MAGI2: variants seen among roughly 807,000 people sequenced by gnomAD.
MAGI2 encodes membrane associated guanylate kinase, WW and PDZ domain containing 2.
Under a neutral mutation model 133.3 loss-of-function variants are expected in MAGI2, and 35 were observed. The ratio of observed to expected loss-of-function variants is 0.26; its 90% CI spans 0.20 to 0.35. The LOEUF (loss-of-function observed/expected upper bound fraction) is 0.35. Among genes scored for constraint, MAGI2 ranks in the 10% least tolerant of loss-of-function variants. MAGI2 has a pLI of 1.00. For missense variants in MAGI2, 1,636 were observed against 1,863.4 expected, an observed-to-expected ratio of 0.88 and a Z score of 2.25; for synonymous variants, 729 against 710.6, an observed-to-expected ratio of 1.03 and a Z score of -0.41.
At chr7:78,462,117 T>A (rs1790124933) in intron 6 of MAGI2, among the ~76,000 whole-genome samples, 1 of 152,082 alleles carries the variant, frequency 6.6e-6, no homozygotes, top group Non-Finnish European at 1.5e-5. Flanking sequence ...TAAAACTCAA[T>A]TTTTGAAAAA....
At chr7:78,485,474 G>A (rs2150475901) in intron 6 of MAGI2, 1 of 150,826 alleles carries the variant, frequency 6.6e-6, no homozygotes, top group South Asian at 2.1e-4. Context: ...TTGCTTTACT[G>A]TCAGTAGAAT....
intron 1 of MAGI2, among the ~76,000 whole-genome samples, chr7:79,190,838 G>A (rs998004195): frequency 1.3e-5 from 2 of 151,706 alleles, no homozygotes; most frequent in Non-Finnish European, 2.9e-5. Flanking sequence ...TTAAAAATAA[G>A]TTCTTGATTG....
At position 78,214,473 on chromosome 7, in the gene MAGI2, GGAGATAT is replaced by G. The variant is rs543129673; in HGVS notation, c.2048-13287_2048-13281del. 8.8e-4 allele frequency among the ~76,000 whole-genome samples: 134 copies of G among 152,264 alleles called. 4 individuals are homozygous for G. The East Asian group carries it at 0.021, about 24-fold the overall frequency. On this transcript the variant is annotated intron_variant, in intron 10 of 21. Transcript: ENST00000354212. Reference sequence around the variant, plus strand: ...GTCTTGGCACTTTACTGGGATGTTGGGAGATATGAGATATGAGATATCAATATGAGAC... The same window carrying G: ...GTCTTGGCACTTTACTGGGATGTTGGGAGATATGAGATATCAATATGAGAC...
At chr7:78,399,980 T>C (rs2151338662) in intron 6 of MAGI2, among the ~76,000 whole-genome samples, 1 of 151,950 alleles carries the variant, frequency 6.6e-6, no homozygotes, top group African/African-American at 2.4e-5. Context: ...CAAAAAACCA[T>C]GTAGGAACAT....
At chr7:79,360,272 G>C (rs1173405604) in intron 1 of MAGI2, among the ~76,000 whole-genome samples, 1 of 152,040 alleles carries the variant, frequency 6.6e-6, no homozygotes, top group Non-Finnish European at 1.5e-5. Flanking sequence ...AATAATAAAA[G>C]TAAGGTATTT....
At chr7:79,388,715 TAATGAG>T (rs2129148714) in intron 1 of MAGI2, among the ~76,000 whole-genome samples, 1 of 151,776 alleles carries the variant, frequency 6.6e-6, no homozygotes, top group Admixed American at 6.6e-5. Flanking sequence ...ATTCCACTCT[TAATGAG>T]AAAGGTGAAA....
rs750021016 is a variant in MAGI2, at chr7:78,019,265, A to C, written c.*50T>G. On this transcript the variant is annotated 3_prime_UTR_variant, in exon 22 of 22. Coordinates refer to ENST00000354212, the MANE Select transcript of MAGI2 (RefSeq NM_012301.4). ...ATTAAAACGCCGTGAGACGGAACCT[A>C]AGAAGAACTGCCTGCGCCGGGGCGG... 1.9e-6 allele frequency: 3 copies of C among 1,570,824 alleles called. No individual in the cohort carries two copies. The East Asian group carries it at 7.0e-5, about 37-fold the overall frequency.
chr7:79,334,296 T>C (rs1357251402), intron 1 of MAGI2, among the ~76,000 whole-genome samples: 2 of 152,228 alleles, frequency 1.3e-5, no homozygotes, highest in Admixed American at 1.3e-4. Flanking sequence ...TACTTACATA[T>C]TGATGATGTC....
Position 78,856,686 on chromosome 7 carries a change from G to A in MAGI2, c.418+150404C>T, listed in dbSNP as rs982991136. On this transcript the variant is annotated intron_variant, in intron 2 of 21. Transcript: ENST00000354212. The stretch of plus-strand genomic sequence containing the variant: ...AGTATAGTTTGAATTCAGGTAGCAT[G>A]ATGCCTCCAGCTTTTTTCTTTTGGC... Among the ~76,000 whole-genome samples, 4 of 152,272 alleles carry A rather than the reference G, an allele frequency of 2.6e-5. No individual in the cohort carries two copies. The East Asian group carries it at 7.7e-4, about 29-fold the overall frequency.
intron 1 of MAGI2, among the ~76,000 whole-genome samples, chr7:79,127,268 C>T (rs1034791394): frequency 6.6e-6 from 1 of 152,086 alleles, no homozygotes; most frequent in Non-Finnish European, 1.5e-5. Flanking sequence ...CATACGTGTG[C>T]ATGTGTCTTT....
At chr7:79,263,098 G>A (rs1469693745) in intron 1 of MAGI2, among the ~76,000 whole-genome samples, 1 of 151,978 alleles carries the variant, frequency 6.6e-6, no homozygotes, top group African/African-American at 2.4e-5. Context: ...TACATTTTAT[G>A]TAAAATATAC....
intron 1 of MAGI2, among the ~76,000 whole-genome samples, chr7:79,140,351 C>T (rs963575687): frequency 8.5e-5 from 13 of 152,084 alleles, no homozygotes; most frequent in African/African-American, 2.2e-4. Context: ...GTCTGGGAAA[C>T]ATAATTTTTT....
chr7:78,068,922 C>G (rs982901553), intron 21 of MAGI2, among the ~76,000 whole-genome samples: 3 of 152,152 alleles, frequency 2.0e-5, no homozygotes, highest in African/African-American at 7.2e-5. Context: ...GAAAATGAGA[C>G]TGGAGAAAAC....
At chr7:78,689,330 T>C (rs1299327423) in intron 2 of MAGI2, among the ~76,000 whole-genome samples, 5 of 152,166 alleles carry the variant, frequency 3.3e-5, no homozygotes, top group African/African-American at 4.8e-5. Context: ...AAACTCAATA[T>C]ATTACCTTTA....
At chr7:78,170,475 T>C (rs1028308432) in intron 14 of MAGI2, 7 of 152,236 alleles carry the variant, frequency 4.6e-5, no homozygotes, top group Non-Finnish European at 1.0e-4. Flanking sequence ...CAACAAATAT[T>C]CATTGAGCCC....
chr7:78,434,114 C>T lies in MAGI2; in HGVS notation c.1045+55647G>A, dbSNP rs539181739. On this transcript the variant is annotated intron_variant, in intron 6 of 21. Coordinates refer to ENST00000354212, the MANE Select transcript of MAGI2 (RefSeq NM_012301.4). Reference sequence around the variant, plus strand: ...ATATAGATTCTTAGATTAGATGATGCCAAGATCAAAGCCTAAGTACTTAGC... The same window carrying T: ...ATATAGATTCTTAGATTAGATGATGTCAAGATCAAAGCCTAAGTACTTAGC... 3.3e-5 allele frequency among the ~76,000 whole-genome samples: 5 copies of T among 152,172 alleles called. No homozygotes were observed. The South Asian group carries it at 8.3e-4, about 25-fold the overall frequency.
At chr7:79,305,465 C>T (rs967002481) in intron 1 of MAGI2, among the ~76,000 whole-genome samples, 1 of 152,134 alleles carries the variant, frequency 6.6e-6, no homozygotes, top group Admixed American at 6.5e-5. Flanking sequence ...GTATTAATAC[C>T]TCATTCTTTC....
At chr7:79,016,628 C>T (rs1280765119) in intron 1 of MAGI2, among the ~76,000 whole-genome samples, 6 of 152,136 alleles carry the variant, frequency 3.9e-5, no homozygotes, top group African/African-American at 7.2e-5. Flanking sequence ...TAGACCTTGC[C>T]TTCCCTTCCC....
intron 2 of MAGI2, among the ~76,000 whole-genome samples, chr7:78,696,796 T>G (rs1817560214): frequency 6.6e-6 from 1 of 152,232 alleles, no homozygotes; most frequent in African/African-American, 2.4e-5. Context: ...TTGAGTGGTT[T>G]GATGCTCTCA....
Sources: allele counts gnomAD v4.1 joint callset (sites outside exome capture counted in the v4.1 genomes callset), GRCh38; gene constraint gnomAD v4.1.1; transcripts MANE v1.5; gene names NCBI Gene and HGNC (gene_info 2026-07-23, HGNC 2026-07-21).